NCKAP5: variants seen among roughly 807,000 people sequenced by gnomAD.
The protein encoded by NCKAP5 is nck-associated protein 5.
Under a neutral mutation model 167.0 loss-of-function variants are expected in NCKAP5, and 92 were observed. The observed-to-expected ratio is 0.55, with a 90% CI of 0.47 to 0.66. The LOEUF is 0.66. Among genes scored for constraint, NCKAP5 ranks in the 30% least tolerant of loss-of-function variants. The pLI is 0.00. For synonymous variants in NCKAP5, 891 were observed against 877.4 expected (o/e 1.02, Z -0.27); for missense variants, 2,378 against 2,315.0 (o/e 1.03, Z -0.56).
chr2:132,732,315 T>G (rs1389087389), intron 16 of NCKAP5, among the ~76,000 whole-genome samples: 1 of 146,124 alleles, frequency 6.8e-6, no homozygotes, highest in Non-Finnish European at 1.5e-5. Context: ...GGGATAGCAT[T>G]AGGAGATATA....
chr2:132,790,928 C>A (rs919492209), intron 12 of NCKAP5, among the ~76,000 whole-genome samples: 8 of 152,084 alleles, frequency 5.3e-5, no homozygotes, highest in Non-Finnish European at 1.2e-4. Flanking sequence ...GTGAGAATAT[C>A]AAATCAGTAT....
chr2:133,141,325 A>C lies in NCKAP5; in HGVS notation c.208-11214T>G, dbSNP rs74877963. 1.8e-4 allele frequency among the ~76,000 whole-genome samples: 28 copies of C among 152,184 alleles called. No homozygotes were observed. In the East Asian group the frequency reaches 3.9e-3, roughly 21 times the overall value. On this transcript the variant is annotated intron_variant, in intron 5 of 19. Transcript: ENST00000409261. Reference sequence around the variant, plus strand: ...AAGATGTGCAGGAGTTTCCAAACAAAGCCATTTATAATTCTATTTTTAAGG... The same window carrying C: ...AAGATGTGCAGGAGTTTCCAAACAACGCCATTTATAATTCTATTTTTAAGG...
intron 11 of NCKAP5, among the ~76,000 whole-genome samples, chr2:132,854,086 T>C (rs1185490416): frequency 1.3e-5 from 2 of 152,198 alleles, no homozygotes; most frequent in Non-Finnish European, 2.9e-5. Context: ...AGTTGTGTAC[T>C]AGGAGGATTC....
chr2:132,982,288 C>T (rs1366719063), intron 7 of NCKAP5, among the ~76,000 whole-genome samples: 1 of 152,174 alleles, frequency 6.6e-6, no homozygotes, highest in Non-Finnish European at 1.5e-5. Context: ...CCTCACTATA[C>T]CCACTACATA....
chr2:132,712,635 GA>G (rs2105330947), intron 19 of NCKAP5, among the ~76,000 whole-genome samples: 2 of 152,152 alleles, frequency 1.3e-5, no homozygotes, highest in Non-Finnish European at 2.9e-5. Context: ...CTGGGCAACA[GA>G]GTGAGATTCT....
At chr2:132,982,173 T>C (rs1054187808) in intron 7 of NCKAP5, among the ~76,000 whole-genome samples, 3 of 152,246 alleles carry the variant, frequency 2.0e-5, no homozygotes. Flanking sequence ...CTACTGTTTA[T>C]TGAATACTTA....
the NCKAP5 span, among the ~76,000 whole-genome samples, chr2:133,655,562 C>T: frequency 6.6e-6 from 1 of 152,132 alleles, no homozygotes; most frequent in African/African-American, 2.4e-5. Flanking sequence ...TTTAATGGGG[C>T]ATCCCATCAA....
intron 9 of NCKAP5, among the ~76,000 whole-genome samples, chr2:132,873,710 T>A (rs935837722): frequency 1.3e-5 from 2 of 152,240 alleles, no homozygotes; most frequent in Non-Finnish European, 2.9e-5. Flanking sequence ...CTATTTGAAG[T>A]GGGTCCACTA....
chr2:133,122,437 G>T (rs2082279335), intron 6 of NCKAP5: 1 of 152,136 alleles, frequency 6.6e-6, no homozygotes, highest in Non-Finnish European at 1.5e-5. Flanking sequence ...TTTCTTCAGA[G>T]AAATTGTTAA....
rs146525262 is a variant in NCKAP5 at position 133,143,392 on chromosome 2, T to A, written c.208-13281A>T. On this transcript the variant is annotated intron_variant, in intron 5 of 19. Coordinates refer to ENST00000409261, the MANE Select transcript of NCKAP5 (RefSeq NM_207363.3). ...AAAGCATCCACAAATTACAAACGGTTCAGTGTACTGAACATGATGTATTGA... is the reference window on the plus strand; with the variant it reads ...AAAGCATCCACAAATTACAAACGGTACAGTGTACTGAACATGATGTATTGA... 3.0e-3 allele frequency among the ~76,000 whole-genome samples: 453 copies of A among 152,144 alleles called. 2 individuals carry two copies. Among genetic ancestry groups the A allele is most frequent in the African/African-American group, 0.01 (425 of 41,506 alleles).
chr2:133,559,260 T>C (rs574083905), intron 1 of NCKAP5, 143 bp from the exon 2 acceptor site: 2 of 152,248 alleles, frequency 1.3e-5, no homozygotes, highest in East Asian at 3.9e-4. Context: ...GTTTTAAGGA[T>C]TATATGAGAC....
chr2:132,941,414 C>A (rs1697287319), intron 8 of NCKAP5, among the ~76,000 whole-genome samples: 1 of 152,140 alleles, frequency 6.6e-6, no homozygotes. Flanking sequence ...CCATGCTGGA[C>A]AATCAGTGTA....
At chr2:133,450,991 C>T (rs6746550) in intron 3 of NCKAP5, among the ~76,000 whole-genome samples, 1 of 152,106 alleles carries the variant, frequency 6.6e-6, no homozygotes, top group Non-Finnish European at 1.5e-5. Flanking sequence ...TTAGAGCCCC[C>T]AAACCCCCAA....
chr2:132,831,120 G>A (rs1365330105), intron 11 of NCKAP5, among the ~76,000 whole-genome samples: 9 of 152,092 alleles, frequency 5.9e-5, no homozygotes, highest in African/African-American at 1.7e-4. Flanking sequence ...GTCAGTACAC[G>A]GAGATCAGTT....
intron 16 of NCKAP5, among the ~76,000 whole-genome samples, chr2:132,746,844 C>T (rs1190452259): frequency 6.6e-6 from 1 of 152,034 alleles, no homozygotes; most frequent in Admixed American, 6.6e-5. Flanking sequence ...AAGCATTATG[C>T]TTATTAAGAG....
intron 11 of NCKAP5, among the ~76,000 whole-genome samples, chr2:132,803,168 A>T (rs1377934345): frequency 6.6e-6 from 1 of 152,224 alleles, no homozygotes; most frequent in African/African-American, 2.4e-5. Context: ...TGCTGATGTG[A>T]CAGTGTGCCT....
At chr2:133,229,017 G>A (rs2150239593) in intron 4 of NCKAP5, among the ~76,000 whole-genome samples, 1 of 152,190 alleles carries the variant, frequency 6.6e-6, no homozygotes, top group South Asian at 2.1e-4. Flanking sequence ...GAAATGAATG[G>A]AACCAATCTG....
chr2:132,913,382 G>A (rs1694605652), intron 8 of NCKAP5, among the ~76,000 whole-genome samples: 1 of 152,086 alleles, frequency 6.6e-6, no homozygotes, highest in South Asian at 2.1e-4. Flanking sequence ...TTTATTAGCT[G>A]TGTGATCTCG....
chr2:133,164,208 A>G (rs915354257), intron 5 of NCKAP5, among the ~76,000 whole-genome samples: 20 of 152,354 alleles, frequency 1.3e-4, no homozygotes, highest in Admixed American at 6.5e-4. Context: ...GTGGTGGTCC[A>G]TCCACACACA....
Sources: gnomAD v4.1 joint callset for allele counts (sites outside exome capture counted in the v4.1 genomes callset) on GRCh38, gnomAD v4.1.1 for gene constraint, MANE v1.5 for transcripts, NCBI Gene and HGNC (gene_info 2026-07-23, HGNC 2026-07-21) for gene names.